The following WDR88 variants were observed in gnomAD, a reference collection of about 807,000 sequenced individuals.
The protein encoded by WDR88 is WD repeat-containing protein 88.
A neutral mutation model predicts 46.8 loss-of-function variants in WDR88; 40 were observed. The observed-to-expected ratio is 0.86, with a 90% CI of 0.66 to 1.11. WDR88 has a LOEUF of 1.11. Among genes scored for constraint, WDR88 ranks in the 50% most tolerant of loss-of-function variants. The pLI is 0.00. For missense variants in WDR88, 562 were observed against 602.4 expected (o/e 0.93, Z 0.70); for synonymous variants, 235 against 240.7 (o/e 0.98, Z 0.22).
intron 8 of WDR88, 93 bp from the exon 9 acceptor site, chr19:33,164,104 G>A: frequency 8.2e-7 from 1 of 1,218,306 alleles, no homozygotes; most frequent in Non-Finnish European, 1.2e-6. Context: ...CAAAAGGCAG[G>A]TTACAGGTGT....
intron 8 of WDR88, 109 bp downstream of exon 8, chr19:33,160,605 C>T (rs745359384): frequency 7.9e-6 from 9 of 1,134,668 alleles, no homozygotes; most frequent in Admixed American, 2.1e-5. Context: ...GGCCTTGATG[C>T]CTCTGTGGGC....
chr19:33,148,301 T>C (rs1420046628), intron 4 of WDR88, among the ~76,000 whole-genome samples: 3 of 152,032 alleles, frequency 2.0e-5, no homozygotes. Context: ...CCCTCTCAGC[T>C]CCTGCAGGCC....
chr19:33,172,507 A>G, intron 10 of WDR88, 67 bp downstream of exon 10: 2 of 1,372,038 alleles, frequency 1.5e-6, no homozygotes, highest in Non-Finnish European at 2.0e-6. Flanking sequence ...TTAATTTATC[A>G]TTTGAATGAA....
intron 2 of WDR88, chr19:33,142,647 T>A (rs554456439): frequency 6.6e-6 from 1 of 151,402 alleles, no homozygotes; most frequent in Admixed American, 6.6e-5. Flanking sequence ...ATCTTTCCCT[T>A]CATGGAGACA....
intron 10 of WDR88, among the ~76,000 whole-genome samples, chr19:33,173,970 C>T (rs1285760087): frequency 1.3e-5 from 2 of 152,180 alleles, no homozygotes; most frequent in African/African-American, 2.4e-5. Context: ...CCTGCCTCAG[C>T]CTCCCGAGTA....
At chr19:33,143,329 T>C in intron 2 of WDR88, among the ~76,000 whole-genome samples, 1 of 94,042 alleles carries the variant, frequency 1.1e-5, no homozygotes. Context: ...CAGAGTGAGA[T>C]CCAGTGTCAA....
rs145406953 is a variant in WDR88 at position 33,175,527 on chromosome 19, G to A, written c.1374G>A (p.Ser458=). 571 of 1,614,176 alleles carry A rather than the reference G, an allele frequency of 3.5e-4. No homozygotes were observed. The African/African-American group carries it at 4.1e-3, about 12-fold the overall frequency. Residue 458 remains serine, a synonymous_variant, in exon 11 of 11, where the codon TCG becomes TCA. Transcript: ENST00000355868. ...ATACTTCATCGTCATCATCATCATC[G>A]GAAAGGGAGAACTCACCGCCGCCAA... ...PADTSSSSSS[S]ERENSPPPRG... is the part of the protein sequence containing the mutation.
chr19:33,174,229 C>T, intron 10 of WDR88: 1 of 1,536,508 alleles, frequency 6.5e-7, no homozygotes, highest in East Asian at 2.4e-5. Flanking sequence ...GAGCCTGCTG[C>T]ATTTGACTTG....
At chr19:33,132,560 C>T (rs2145352169) in intron 1 of WDR88, 115 bp downstream of exon 1, 1 of 1,452,272 alleles carries the variant, frequency 6.9e-7, no homozygotes, top group Non-Finnish European at 9.3e-7. Context: ...GGACCCCCAG[C>T]GAGGCCCTAG....
In WDR88 at chr19:33,148,916, G is replaced by A; in HGVS notation, c.679+6G>A. 1 of 1,613,920 alleles carries A rather than the reference G, an allele frequency of 6.2e-7. No homozygotes were observed. Among genetic ancestry groups the A allele is most frequent in the Non-Finnish European group, 8.5e-7 (1 of 1,179,990 alleles). On this transcript the variant is annotated splice_donor_region_variant and intron_variant, in intron 5 of 10. Transcript: ENST00000355868. ...CACCGTTTCCGTCATCAAAGGTGAGGGTGTGCGGGCTCCCTGTATCTTCAG... is the reference window on the plus strand; with the variant it reads ...CACCGTTTCCGTCATCAAAGGTGAGAGTGTGCGGGCTCCCTGTATCTTCAG...
intron 9 of WDR88, among the ~76,000 whole-genome samples, chr19:33,167,993 C>T (rs1443721605): frequency 6.6e-6 from 1 of 151,006 alleles, no homozygotes; most frequent in Non-Finnish European, 1.5e-5. Flanking sequence ...GCTGGGATTA[C>T]AGGTGTGAGC....
intron 6 of WDR88, among the ~76,000 whole-genome samples, chr19:33,152,727 G>T (rs1479313775): frequency 3.3e-5 from 5 of 151,966 alleles, no homozygotes; most frequent in African/African-American, 1.2e-4. Context: ...TCAGCCTCCT[G>T]AGTAGCTGGG....
intron 9 of WDR88, among the ~76,000 whole-genome samples, chr19:33,164,935 G>A (rs1035832175): frequency 7.9e-5 from 12 of 151,822 alleles, no homozygotes; most frequent in African/African-American, 1.7e-4. Flanking sequence ...ATCAGTGGGA[G>A]CCCTGAGCTT....
intron 6 of WDR88, among the ~76,000 whole-genome samples, chr19:33,154,341 G>A (rs745757587): frequency 3.9e-5 from 6 of 152,076 alleles, no homozygotes; most frequent in Non-Finnish European, 8.8e-5. Flanking sequence ...CCCCGCATGT[G>A]TTAGGTATTT....
chr19:33,171,919 G>A (rs1388147857), intron 9 of WDR88, among the ~76,000 whole-genome samples: 1 of 152,136 alleles, frequency 6.6e-6, no homozygotes, highest in Non-Finnish European at 1.5e-5. Flanking sequence ...GACTACAGGT[G>A]CACGCCACTG....
intron 6 of WDR88, among the ~76,000 whole-genome samples, chr19:33,152,333 G>T (rs1973652546): frequency 6.6e-6 from 1 of 151,638 alleles, no homozygotes; most frequent in Non-Finnish European, 1.5e-5. Flanking sequence ...TCACAGTGTT[G>T]TGCAACCATC....
At chr19:33,146,502 C>T (rs1445698652) in intron 3 of WDR88, among the ~76,000 whole-genome samples, 2 of 126,316 alleles carry the variant, frequency 1.6e-5, no homozygotes, top group Non-Finnish European at 3.3e-5. Flanking sequence ...CTTCCCCTTC[C>T]TTCCTCCCTT....
intron 9 of WDR88, 47 bp from the exon 10 acceptor site, chr19:33,172,301 A>G (rs1280795429): frequency 4.7e-6 from 7 of 1,477,694 alleles, no homozygotes; most frequent in African/African-American, 2.8e-5. Context: ...CTTTGTATGG[A>G]TGTACCACAG....
chr19:33,167,687 T>C (rs1161271587), intron 9 of WDR88, among the ~76,000 whole-genome samples: 1 of 150,486 alleles, frequency 6.6e-6, no homozygotes, highest in Non-Finnish European at 1.5e-5. Context: ...CTTCCTTCCT[T>C]CTGTCCTTTC....
Sources: allele counts gnomAD v4.1 joint callset (sites outside exome capture counted in the v4.1 genomes callset), GRCh38; gene constraint gnomAD v4.1.1; transcripts MANE v1.5; gene names NCBI Gene and HGNC (gene_info 2026-07-23, HGNC 2026-07-21).